The following ACBD5 variants were observed in gnomAD, a reference collection of about 807,000 sequenced individuals.
The protein encoded by ACBD5 is acyl-CoA-binding domain-containing protein 5.
In ACBD5, 40 loss-of-function variants were observed where a neutral mutation model predicts 71.8. The observed-to-expected ratio is 0.56, with a 90% CI of 0.43 to 0.72. The LOEUF is 0.72. ACBD5 is among the 30% of genes least tolerant of loss of function. The probability of loss-of-function intolerance (pLI) is 0.00; values close to 1 mark genes in which losing one functional copy is unlikely to be tolerated. For missense variants in ACBD5, 559 were observed against 644.5 expected (o/e 0.87, Z 1.44); for synonymous variants, 229 against 218.6 (o/e 1.05, Z -0.42).
Position 27,223,163 on chromosome 10 carries a change from T to C in ACBD5, c.490+175A>G, listed in dbSNP as rs911214381. The C allele has an allele frequency of 8.3e-6, 6 of 718,720 alleles. No individual in the cohort carries two copies. The African/African-American group carries it at 1.1e-4, about 13-fold the overall frequency. 44.5% of individuals were successfully genotyped at this position (718,720 alleles called of 1,614,324 possible). ...AAGTTTGTGCAGAATTCTTTTGACATGTAAATTTTAAACAAAACTTTTACA... is the reference window on the plus strand; with the variant it reads ...AAGTTTGTGCAGAATTCTTTTGACACGTAAATTTTAAACAAAACTTTTACA... On this transcript the variant is annotated intron_variant, in intron 5 of 12. Transcript: ENST00000396271.
chr10:27,239,725 C>T (rs2065216727), intron 2 of ACBD5, among the ~76,000 whole-genome samples: 1 of 136,658 alleles, frequency 7.3e-6, no homozygotes, highest in Non-Finnish European at 1.6e-5. Context: ...ATTAGGCATC[C>T]CCAGCCTAGA....
At chr10:27,187,039 C>T (rs1020575908) in intron 13 of ACBD5, 4 of 200,702 alleles carry the variant, frequency 2.0e-5, no homozygotes, top group South Asian at 1.7e-4. Context: ...CAGTGGCTCA[C>T]GCATGTAATC....
At chr10:27,215,919 G>C (rs530913770) in intron 7 of ACBD5, among the ~76,000 whole-genome samples, 30 of 152,114 alleles carry the variant, frequency 2.0e-4, no homozygotes, top group African/African-American at 6.0e-4. Context: ...TTGTGGCCCA[G>C]GCTGGAGTGC....
In ACBD5 at chr10:27,204,560, A is replaced by G. The variant is rs1315540395; in HGVS notation, c.1456-11T>C. The G allele has an allele frequency of 6.3e-7, 1 of 1,598,268 alleles. No homozygotes were observed. Among genetic ancestry groups the G allele is most frequent in the Non-Finnish European group, 8.6e-7 (1 of 1,165,708 alleles). ...CCACCAAGATGGTCTCTGAGAAAATACAATAAGCTTGTCACCAATCTATTC... is the reference window on the plus strand; with the variant it reads ...CCACCAAGATGGTCTCTGAGAAAATGCAATAAGCTTGTCACCAATCTATTC... On this transcript the variant is annotated splice_polypyrimidine_tract_variant and intron_variant, in intron 11 of 12. Coordinates refer to ENST00000396271, the MANE Select transcript of ACBD5 (RefSeq NM_145698.5).
chr10:27,230,066 G>A (rs1195126753), intron 4 of ACBD5, among the ~76,000 whole-genome samples: 1 of 146,956 alleles, frequency 6.8e-6, no homozygotes, highest in Non-Finnish European at 1.5e-5. Flanking sequence ...TGTTATAGAA[G>A]TATGTCCTAA....
intron 9 of ACBD5, among the ~76,000 whole-genome samples, chr10:27,210,269 A>C (rs1241265327): frequency 6.6e-6 from 1 of 152,224 alleles, no homozygotes; most frequent in Non-Finnish European, 1.5e-5. Context: ...GAATTCCCAT[A>C]GCTGAACCTG....
chr10:27,212,831 C>G (rs1024303427), intron 8 of ACBD5, among the ~76,000 whole-genome samples: 1 of 152,092 alleles, frequency 6.6e-6, no homozygotes, highest in African/African-American at 2.4e-5. Context: ...TTATAGGTGT[C>G]AGCCACCATG....
chr10:27,227,799 G>A (rs572129584), intron 4 of ACBD5, among the ~76,000 whole-genome samples: 2 of 151,756 alleles, frequency 1.3e-5, no homozygotes, highest in Non-Finnish European at 1.5e-5. Context: ...TGCAACCTCC[G>A]CCTCCTTAAT....
chr10:27,230,778 C>G (rs1251654688), intron 4 of ACBD5, among the ~76,000 whole-genome samples: 1 of 111,674 alleles, frequency 9.0e-6, no homozygotes, highest in Non-Finnish European at 1.7e-5. Context: ...GCCCGGGTAA[C>G]AGAGTGAGAC....
intron 12 of ACBD5, among the ~76,000 whole-genome samples, chr10:27,197,684 C>T (rs963491519): frequency 5.9e-5 from 9 of 152,166 alleles, no homozygotes; most frequent in South Asian, 2.1e-4. Context: ...CTTGCTCTGT[C>T]GTCCAGGCTG....
intron 13 of ACBD5, chr10:27,186,831 A>G: frequency 5.4e-6 from 2 of 372,190 alleles, no homozygotes; most frequent in South Asian, 5.5e-5. Flanking sequence ...CACTATTGAG[A>G]GTGAGCCACT....
chr10:27,186,347 A>T, intron 13 of ACBD5: 1 of 1,596,570 alleles, frequency 6.3e-7, no homozygotes, highest in East Asian at 2.2e-5. Context: ...AGGTAATGAT[A>T]TCATACTGTT....
intron 13 of ACBD5, among the ~76,000 whole-genome samples, chr10:27,189,122 A>G (rs867794081): frequency 1.3e-5 from 2 of 152,212 alleles, no homozygotes; most frequent in African/African-American, 2.4e-5. Context: ...ACCTTATTCA[A>G]TTAGTTTCCT....
At chr10:27,206,840 C>A (rs965755508) in intron 10 of ACBD5, among the ~76,000 whole-genome samples, 3 of 151,726 alleles carry the variant, frequency 2.0e-5, no homozygotes, top group African/African-American at 7.3e-5. Context: ...TAAACTCTTT[C>A]CTTATACACC....
chr10:27,193,665 T>G (rs1178385415), downstream of ACBD5, among the ~76,000 whole-genome samples: 1 of 152,162 alleles, frequency 6.6e-6, no homozygotes, highest in Non-Finnish European at 1.5e-5. Flanking sequence ...CTGCCTATAA[T>G]GTAGACATTA....
rs538065923 is a variant in ACBD5 at position 27,185,137 on chromosome 10, A to G, written c.1494-2422T>C. 1.5e-4 allele frequency among the ~76,000 whole-genome samples: 23 copies of G among 152,274 alleles called. No individual in the cohort carries two copies. The East Asian group carries it at 4.4e-3, about 29-fold the overall frequency. On this transcript the variant is annotated intron_variant, in intron 13 of 13. Transcript: ENST00000676511. ...TGAAGGATAAGGATGGAGCACAGGG[A>G]AGAAAGGGAGAAGGGGGTGAGCTTC...
Position 27,240,196 on chromosome 10 carries a change from C to A in ACBD5, c.181+123G>T, listed in dbSNP as rs2065296153. ...AATTAATTCATATTCAATAGCTCCCCTTCCACTACATGGCTCCTACACAGA... is the reference window on the plus strand; with the variant it reads ...AATTAATTCATATTCAATAGCTCCCATTCCACTACATGGCTCCTACACAGA... On this transcript the variant is annotated intron_variant, in intron 2 of 12. Transcript: ENST00000396271. This position sits in a 1 kb window ranked among gnomAD's most constrained non-coding sequence, Gnocchi z 4.1. 1 of 1,475,714 alleles carries A rather than the reference C, an allele frequency of 6.8e-7. No individual in the cohort carries two copies. The highest frequency in any genetic ancestry group is 9.3e-7 in the Non-Finnish European group (1 of 1,079,900). 91.4% of individuals were successfully genotyped at this position (1,475,714 alleles called of 1,614,324 possible). A position where few individuals can be genotyped will look rare whatever the true frequency, so the allele number is the denominator to read the frequency against.
intron 13 of ACBD5, among the ~76,000 whole-genome samples, chr10:27,189,555 A>C (rs1213042116): frequency 7.4e-6 from 1 of 135,022 alleles, no homozygotes; most frequent in Non-Finnish European, 1.6e-5. Context: ...TCTCACTCAT[A>C]GGTGGGAATT....
chr10:27,234,507 A>G (rs1187135934), intron 3 of ACBD5, among the ~76,000 whole-genome samples: 2 of 151,742 alleles, frequency 1.3e-5, no homozygotes, highest in African/African-American at 2.4e-5. Context: ...AAAAAAAAAA[A>G]AAAGGGAAAA....
Sources: allele counts gnomAD v4.1 joint callset (sites outside exome capture counted in the v4.1 genomes callset), GRCh38; gene constraint gnomAD v4.1.1; non-coding constraint Gnocchi (gnomAD v3.1); transcripts MANE v1.5; gene names NCBI Gene and HGNC (gene_info 2026-07-23, HGNC 2026-07-21).